MAGI1: variants seen among roughly 807,000 people sequenced by gnomAD.
MAGI1 encodes the protein membrane associated guanylate kinase, WW and PDZ domain containing 1.
Under a neutral mutation model 139.9 loss-of-function variants are expected in MAGI1, and 58 were observed. The ratio of observed to expected loss-of-function variants is 0.41; its 90% CI spans 0.34 to 0.52. The LOEUF is 0.52. MAGI1 is among the 20% of genes least tolerant of loss of function. MAGI1 has a pLI of 0.12. For missense variants in MAGI1, 1,874 were observed against 1,901.6 expected, an observed-to-expected ratio of 0.99 and a Z score of 0.27; for synonymous variants, 812 against 737.9, an observed-to-expected ratio of 1.10 and a Z score of -1.63.
intron 1 of MAGI1, among the ~76,000 whole-genome samples, chr3:65,809,671 C>A (rs1377650336): frequency 6.6e-6 from 1 of 152,202 alleles, no homozygotes; most frequent in Non-Finnish European, 1.5e-5. Flanking sequence ...ATGGCCAGCC[C>A]TGGAGCCCTG....
At chr3:65,849,003 T>C (rs973350882) in intron 1 of MAGI1, among the ~76,000 whole-genome samples, 1 of 46,896 alleles carries the variant, frequency 2.1e-5, no homozygotes, top group South Asian at 6.7e-4. Context: ...AGAGCATTCT[T>C]TTTTTTTTTT....
intron 1 of MAGI1, among the ~76,000 whole-genome samples, chr3:65,786,200 G>T (rs1035038408): frequency 6.7e-6 from 1 of 148,770 alleles, no homozygotes; most frequent in Non-Finnish European, 1.5e-5. Context: ...AGGTGATCTG[G>T]CCACCTTTTC....
At chr3:65,492,345 T>A (rs1472985135) in intron 3 of MAGI1, among the ~76,000 whole-genome samples, 6 of 152,266 alleles carry the variant, frequency 3.9e-5, no homozygotes, top group African/African-American at 1.4e-4. Context: ...ATCCTATGGA[T>A]ATGTTTGCAC....
At chr3:65,932,138 G>C (rs984939041) in intron 1 of MAGI1, among the ~76,000 whole-genome samples, 2 of 152,270 alleles carry the variant, frequency 1.3e-5, no homozygotes, top group Non-Finnish European at 1.5e-5. Flanking sequence ...TGTTTTATTT[G>C]TTAGGACAGA....
intron 8 of MAGI1, among the ~76,000 whole-genome samples, chr3:65,441,973 G>A (rs1948369143): frequency 6.6e-6 from 1 of 152,056 alleles, no homozygotes; most frequent in Non-Finnish European, 1.5e-5. Context: ...TCTTCAGTGT[G>A]GCAGGTACGA....
At chr3:65,622,659 A>G (rs1161094814) in intron 1 of MAGI1, among the ~76,000 whole-genome samples, 1 of 151,942 alleles carries the variant, frequency 6.6e-6, no homozygotes, top group African/African-American at 2.4e-5. Flanking sequence ...CGCCTCACAG[A>G]TTCAAGCGAT....
intron 2 of MAGI1, among the ~76,000 whole-genome samples, chr3:65,514,417 AG>A (rs1224266826): frequency 3.2e-5 from 4 of 126,434 alleles, no homozygotes; most frequent in African/African-American, 9.2e-5. Flanking sequence ...CATCTGACAA[AG>A]GGCTAATATC....
chr3:65,727,372 T>C (rs1311540178), intron 1 of MAGI1, among the ~76,000 whole-genome samples: 1 of 152,204 alleles, frequency 6.6e-6, no homozygotes, highest in Non-Finnish European at 1.5e-5. Context: ...TTATTATATA[T>C]ATAAAGAAAC....
chr3:65,954,859 G>A (rs1324248979), intron 1 of MAGI1, among the ~76,000 whole-genome samples: 1 of 152,176 alleles, frequency 6.6e-6, no homozygotes, highest in Non-Finnish European at 1.5e-5. Context: ...GGAAGTGCCA[G>A]GTAAGGGCAG....
chr3:65,754,024 A>G (rs867204247), intron 1 of MAGI1, among the ~76,000 whole-genome samples: 4 of 152,190 alleles, frequency 2.6e-5, no homozygotes, highest in South Asian at 2.1e-4. Flanking sequence ...TGCATTAGTT[A>G]TAATTATACA....
chr3:65,964,603 C>A (rs936211240), intron 1 of MAGI1, among the ~76,000 whole-genome samples: 1 of 152,208 alleles, frequency 6.6e-6, no homozygotes, highest in African/African-American at 2.4e-5. Context: ...CAAGTTATCA[C>A]CGGTGAGTAT....
intron 1 of MAGI1, chr3:65,687,886 T>C (rs1191054530): frequency 3.1e-6 from 2 of 638,434 alleles, no homozygotes; most frequent in Non-Finnish European, 3.1e-6. Flanking sequence ...CGTTTGGATA[T>C]CAAGGTATTG....
At chr3:65,848,810 T>C (rs1341690721) in intron 1 of MAGI1, among the ~76,000 whole-genome samples, 5 of 151,984 alleles carry the variant, frequency 3.3e-5, no homozygotes, top group African/African-American at 4.8e-5. Context: ...GAAGACTTCC[T>C]GCCATAGTAC....
intron 1 of MAGI1, among the ~76,000 whole-genome samples, chr3:65,827,749 T>C (rs2042305004): frequency 6.6e-6 from 1 of 152,240 alleles, no homozygotes. Flanking sequence ...CATAATGTTA[T>C]TGTGATAATT....
At chr3:65,858,233 C>T (rs2059432572) in intron 1 of MAGI1, among the ~76,000 whole-genome samples, 1 of 152,226 alleles carries the variant, frequency 6.6e-6, no homozygotes, top group Non-Finnish European at 1.5e-5. Context: ...ACCAGCAGAA[C>T]TTTCCAGAAG....
chr3:65,505,124 G>A (rs2077230550), intron 2 of MAGI1, among the ~76,000 whole-genome samples: 1 of 152,130 alleles, frequency 6.6e-6, no homozygotes, highest in Non-Finnish European at 1.5e-5. Flanking sequence ...GAGAAAAGGG[G>A]ATGAGAGCAG....
intron 1 of MAGI1, among the ~76,000 whole-genome samples, chr3:65,752,918 T>A (rs12496110): frequency 1.3e-5 from 2 of 151,946 alleles, no homozygotes; most frequent in African/African-American, 4.8e-5. Flanking sequence ...CCTCACACCC[T>A]CCCTTGCTCA....
intron 1 of MAGI1, among the ~76,000 whole-genome samples, chr3:65,876,125 CAAA>C (rs201926706): frequency 2.6e-5 from 3 of 113,222 alleles, no homozygotes; most frequent in Non-Finnish European, 1.9e-5. Context: ...GAAAATTAAG[CAAA>C]AAAAAAAAAA....
rs1952213077 is a variant in MAGI1, at chr3:65,493,601, A to G, written c.461T>C (p.Val154Ala). 6.2e-7 allele frequency: 1 copy of G among 1,614,094 alleles called. No homozygotes were observed. Among genetic ancestry groups the G allele is most frequent in the African/African-American group, 1.3e-5 (1 of 74,942 alleles). ...CTTRSPREGEVPGVDYNFLTV... is the reference protein window; with the variant it reads ...CTTRSPREGEAPGVDYNFLTV... ...CAGAAAGTTATAGTCCACGCCAGGCACTTCTCCTTCTCTGGGAGATCGGGT... is the reference window on the plus strand; with the variant it reads ...CAGAAAGTTATAGTCCACGCCAGGCGCTTCTCCTTCTCTGGGAGATCGGGT... The change falls in exon 3 of 23, where the codon GTG becomes GCG. Residue 154 changes from valine (V) to alanine (A), a missense_variant. Coordinates refer to ENST00000402939, the MANE Select transcript of MAGI1 (RefSeq NM_001033057.2).
Sources: allele counts gnomAD v4.1 joint callset (sites outside exome capture counted in the v4.1 genomes callset), GRCh38; gene constraint gnomAD v4.1.1; transcripts MANE v1.5; gene names NCBI Gene and HGNC (gene_info 2026-07-23, HGNC 2026-07-21).